Variants in ANK2 observed in about 807,000 individuals in gnomAD.
ANK2 encodes ankyrin-2.
A neutral mutation model predicts 360.5 loss-of-function variants in ANK2; 83 were observed. The ratio of observed to expected loss-of-function variants is 0.23; its 90% CI spans 0.19 to 0.28. ANK2 has a LOEUF of 0.28. ANK2 is among the 10% of genes least tolerant of loss of function. ANK2 has a pLI of 1.00. For missense variants in ANK2, 4,201 were observed against 4,795.7 expected (o/e 0.88, Z 3.66); for synonymous variants, 1,740 against 1,759.5 (o/e 0.99, Z 0.28).
chr4:113,031,400 G>A (rs1157178791), intron 2 of ANK2: 1 of 151,918 alleles, frequency 6.6e-6, no homozygotes, highest in Admixed American at 6.6e-5. Flanking sequence ...GATGCCGTGG[G>A]GACTGTTGCA....
At chr4:113,136,089 G>A (rs570008484) in intron 1 of ANK2, among the ~76,000 whole-genome samples, 7 of 152,236 alleles carry the variant, frequency 4.6e-5, no homozygotes, top group South Asian at 4.1e-4. Context: ...AGTATGTGAA[G>A]GAAGTTTTTT....
intron 1 of ANK2, among the ~76,000 whole-genome samples, chr4:113,160,011 G>A (rs1432595926): frequency 3.3e-5 from 5 of 152,060 alleles, no homozygotes; most frequent in Non-Finnish European, 4.4e-5. Context: ...AATTTATTTA[G>A]TAATGTCATA....
chr4:113,214,808 T>G (rs2099067816), intron 4 of ANK2, among the ~76,000 whole-genome samples: 1 of 152,200 alleles, frequency 6.6e-6, no homozygotes, highest in Admixed American at 6.5e-5. Flanking sequence ...TGGGAAATTT[T>G]TGTGTAATAA....
chr4:113,318,269 A>T (rs1336875534), intron 25 of ANK2, among the ~76,000 whole-genome samples: 1 of 152,196 alleles, frequency 6.6e-6, no homozygotes, highest in African/African-American at 2.4e-5. Context: ...GGTATAGGGA[A>T]ATAGATGGAT....
rs34201791 is a variant in ANK2, at chr4:113,365,201, ATGTGTG to A, written c.11032+45_11032+50del. On this transcript the variant is annotated intron_variant, in intron 41 of 45. Coordinates refer to ENST00000357077, the MANE Select transcript of ANK2 (RefSeq NM_001148.6). ...AGTGAAGGTCAAACTGTGTGTGTGT[ATGTGTG>A]TGTGTGTGTGTGTGTGTGTGTGTGT... 13,528 of 1,393,324 alleles carry A rather than the reference ATGTGTG, an allele frequency of 9.7e-3. 79 individuals are homozygous for A. The highest frequency in any genetic ancestry group is 0.058 in the African/African-American group (4,053 of 69,486). 86.3% of individuals were successfully genotyped at this position (1,393,324 alleles called of 1,614,324 possible).
chr4:113,215,474 C>A (rs17590970), intron 4 of ANK2, among the ~76,000 whole-genome samples: 16,338 of 152,058 alleles, frequency 0.11, 1,026 homozygotes, highest in East Asian at 0.18. Context: ...GAGTTGAGAA[C>A]AATATTGCCC....
chr4:113,291,697 A>G (rs571284233), intron 20 of ANK2, among the ~76,000 whole-genome samples: 1 of 152,312 alleles, frequency 6.6e-6, no homozygotes, highest in South Asian at 2.1e-4. Flanking sequence ...TGAAACATAT[A>G]GATAAAATTT....
rs1184265938 is a variant in ANK2, at chr4:112,951,081, C to CAAAAA, written c.21+46588_21+46592dup. ...TGGGCGACAGAGCGAGCCTCCGTCT[C>CAAAAA]AAAAAAAAAAAAAAAAAAAAAAAAA... On this transcript the variant is annotated intron_variant, in intron 2 of 30. Coordinates refer to the ANK2 transcript ENST00000503271. 3.6e-3 allele frequency among the ~76,000 whole-genome samples: 201 copies of CAAAAA among 55,930 alleles called. 11 individuals are homozygous for CAAAAA. Among genetic ancestry groups the CAAAAA allele is most frequent in the African/African-American group, 8.1e-3 (123 of 15,158 alleles). 36.7% of individuals were successfully genotyped at this position (55,930 alleles called of 152,430 possible).
intron 2 of ANK2, among the ~76,000 whole-genome samples, chr4:113,176,108 C>T (rs552531855): frequency 5.3e-5 from 8 of 152,306 alleles, no homozygotes; most frequent in Admixed American, 2.0e-4. Flanking sequence ...TCTTCTTTAA[C>T]ACAACCCACA....
At chr4:112,836,719 G>C (rs2061064801) in intron 1 of ANK2, among the ~76,000 whole-genome samples, 1 of 152,214 alleles carries the variant, frequency 6.6e-6, no homozygotes, top group African/African-American at 2.4e-5. Context: ...GAAGATGTGT[G>C]AAACTTTGAA....
chr4:112,800,501 G>A, the ANK2 span, among the ~76,000 whole-genome samples: 4 of 152,138 alleles, frequency 2.6e-5, no homozygotes, highest in Non-Finnish European at 5.9e-5. Flanking sequence ...CCTAATAGCT[G>A]TAAGGTATTC....
At chr4:113,250,762 C>CCCT (rs1554340300) in intron 10 of ANK2, among the ~76,000 whole-genome samples, 1 of 136,930 alleles carries the variant, frequency 7.3e-6, no homozygotes, top group Non-Finnish European at 1.6e-5. Context: ...ACCGCCCCCC[C>CCCT]CCCCGACAGA....
chr4:113,202,580 C>A (rs78721861), intron 4 of ANK2, among the ~76,000 whole-genome samples: 1 of 152,122 alleles, frequency 6.6e-6, no homozygotes, highest in African/African-American at 2.4e-5. Context: ...TGGCAAACTT[C>A]CGAGTTATTT....
chr4:113,033,905 C>A (rs961955723), intron 2 of ANK2: 4 of 152,024 alleles, frequency 2.6e-5, no homozygotes, highest in Non-Finnish European at 5.9e-5. Context: ...TCTTAACTAT[C>A]TTGAACAATG....
intron 1 of ANK2, among the ~76,000 whole-genome samples, chr4:112,840,611 A>C (rs59464716): frequency 0.045 from 6,830 of 152,290 alleles, 488 homozygotes; most frequent in African/African-American, 0.15. Flanking sequence ...CAGCTAATAC[A>C]ATTAGGATTC....
chr4:112,927,432 T>C (rs531620884), intron 2 of ANK2, among the ~76,000 whole-genome samples: 1 of 152,324 alleles, frequency 6.6e-6, no homozygotes, highest in African/African-American at 2.4e-5. Flanking sequence ...TATCTGTTGC[T>C]CTTTCAAGTA....
intron 24 of ANK2, among the ~76,000 whole-genome samples, chr4:113,314,384 T>C (rs2081669774): frequency 6.6e-6 from 1 of 152,208 alleles, no homozygotes; most frequent in Non-Finnish European, 1.5e-5. Flanking sequence ...TCAATAAAAT[T>C]ACACTTTCAT....
In ANK2 at chr4:113,356,872, A is replaced by G. The variant is rs558793790; in HGVS notation, c.8254A>G (p.Thr2752Ala). 10 of 1,614,042 alleles carry G rather than the reference A, an allele frequency of 6.2e-6. No individual in the cohort carries two copies. In the South Asian group the frequency reaches 1.1e-4, roughly 18 times the overall value. Residue 2752 changes from threonine (T) to alanine (A), a missense_variant, in exon 38 of 46, where the codon ACT becomes GCT. By Grantham distance (58) the Thr-to-Ala change is moderately conservative. Coordinates refer to ENST00000357077, the MANE Select transcript of ANK2 (RefSeq NM_001148.6). The part of the protein sequence containing the change: ...HLAEDRHAVS[T>A]EAEDRSYDKL... The stretch of plus-strand genomic sequence containing the variant: ...AGCTGAAGACCGTCATGCTGTTTCC[A>G]CTGAGGCTGAAGACAGGTCTTATGA...
At chr4:113,208,933 T>C (rs1184456443) in intron 4 of ANK2, among the ~76,000 whole-genome samples, 1 of 151,958 alleles carries the variant, frequency 6.6e-6, no homozygotes, top group East Asian at 1.9e-4. Context: ...AGCAGTGGAC[T>C]CGAATGAGAC....
Sources: allele counts gnomAD v4.1 joint callset (sites outside exome capture counted in the v4.1 genomes callset), GRCh38; gene constraint gnomAD v4.1.1; transcripts MANE v1.5; gene names NCBI Gene and HGNC (gene_info 2026-07-23, HGNC 2026-07-21).